The following CHD5 variants were observed in gnomAD, a reference collection of about 807,000 sequenced individuals.
CHD5 encodes ATP-dependent chromatin remodeler CHD5.
A neutral mutation model predicts 230.3 loss-of-function variants in CHD5; 69 were observed. The observed-to-expected ratio is 0.30, with a 90% CI of 0.25 to 0.37. The LOEUF is 0.37. Among genes scored for constraint, CHD5 ranks in the 10% least tolerant of loss-of-function variants. The pLI is 1.00. For synonymous variants in CHD5, 1,064 were observed against 1,065.9 expected, an observed-to-expected ratio of 1.00 and a Z score of 0.03; for missense variants, 1,827 against 2,622.8, an observed-to-expected ratio of 0.70 and a Z score of 6.63.
At position 6,121,096 on chromosome 1, in the gene CHD5, A is replaced by AGCCCCAACCTCTCG. The variant is rs1557540915; in HGVS notation, c.4907_4912+8dup. The AGCCCCAACCTCTCG allele has an allele frequency of 6.3e-7, 1 of 1,578,976 alleles. No individual in the cohort carries two copies. Among genetic ancestry groups the AGCCCCAACCTCTCG allele is most frequent in the Non-Finnish European group, 8.6e-7 (1 of 1,164,434 alleles). On this transcript the variant is annotated intron_variant, in intron 33 of 41. Transcript: ENST00000262450. The surrounding 1 kb of genome is among the most constrained non-coding windows in gnomAD (Gnocchi z 4.5). ...GCACTGGGGTGGGTGGCCTGCAAGA[A>AGCCCCAACCTCTCG]GCCCCAACCTCTCGGCAGCTGCTCC...
rs1383363532 is a variant in CHD5, at chr1:6,102,950, A to C, written c.*2524T>G. 1 of 152,416 alleles carries C rather than the reference A, an allele frequency of 6.6e-6. No homozygotes were observed. Among genetic ancestry groups the C allele is most frequent in the Non-Finnish European group, 1.5e-5 (1 of 68,048 alleles). The allele number at this position is 152,416 out of a possible 1,614,324, so 9.4% of individuals were successfully genotyped here. On this transcript the variant is annotated 3_prime_UTR_variant, in exon 42 of 42. Coordinates refer to ENST00000262450, the MANE Select transcript of CHD5 (RefSeq NM_015557.3). ...ACATGGCTCTGCAGAAGCCCTACTC[A>C]GCACTGGCTTAAAGTGGCTGGAAAT...
chr1:6,153,232 A>G (rs1049565055), intron 5 of CHD5, among the ~76,000 whole-genome samples: 1 of 152,186 alleles, frequency 6.6e-6, no homozygotes, highest in African/African-American at 2.4e-5. Flanking sequence ...CGGAAAATCT[A>G]TTTCAATTTT....
intron 33 of CHD5, among the ~76,000 whole-genome samples, chr1:6,118,532 T>C (rs1357155587): frequency 6.6e-6 from 1 of 152,018 alleles, no homozygotes; most frequent in East Asian, 1.9e-4. Flanking sequence ...GGCCAGTCCA[T>C]AGGACAGAAG....
chr1:6,149,208 T>C (rs1458709889), intron 8 of CHD5, 38 bp downstream of exon 8: 3 of 1,530,528 alleles, frequency 2.0e-6, no homozygotes, highest in South Asian at 1.2e-5. Context: ...GAGCCAGGCG[T>C]GGCCCCGCCC....
chr1:6,132,682 C>T (rs1666676771), intron 20 of CHD5, among the ~76,000 whole-genome samples: 1 of 152,214 alleles, frequency 6.6e-6, no homozygotes, highest in Non-Finnish European at 1.5e-5. Flanking sequence ...TCAATGTTCT[C>T]TTCAACAGTG....
Position 6,155,603 on chromosome 1 carries a change from G to A in CHD5, c.502C>T (p.Leu168Phe). The change falls in exon 4 of 42, where the codon CTC (leucine) becomes TTC (phenylalanine). Residue 168 changes from leucine to phenylalanine, a missense_variant. This residue lies in a region of CHD5 where 657 missense variants were observed against 816.4 expected (regional missense o/e 0.80). Transcript: ENST00000262450. This position sits in a 1 kb window ranked among gnomAD's most constrained non-coding sequence, Gnocchi z 4.0. ...LTNYKAFSQF[L>F]RPLIAKKNPK... Reference sequence around the variant, plus strand: ...CAGCCCTAGTGCCCCGCCCACCTGAGGAACTGGCTGAAGGCCTTGTAGTTG... The same window carrying A: ...CAGCCCTAGTGCCCCGCCCACCTGAAGAACTGGCTGAAGGCCTTGTAGTTG... 6.2e-7 allele frequency: 1 copy of A among 1,613,438 alleles called. No homozygotes were observed.
chr1:6,174,405 G>C (rs1667386443), intron 1 of CHD5, among the ~76,000 whole-genome samples: 1 of 152,170 alleles, frequency 6.6e-6, no homozygotes, highest in Non-Finnish European at 1.5e-5. Flanking sequence ...ATGGATGGTG[G>C]ATAGGTGGAT....
rs757927737 is a variant in CHD5, at chr1:6,131,688, G to T, written c.3205C>A (p.Arg1069=). ...FLEYEGYKYE[R]IDGGITGGLR... ...CCCCCGGTGATGCCACCATCAATCC[G>T]CTCATACTTGTAGCCTTCGTACTCC... Residue 1069 remains arginine (R), a synonymous_variant, in exon 21 of 42, where the codon CGG becomes AGG. Coordinates refer to ENST00000262450, the MANE Select transcript of CHD5 (RefSeq NM_015557.3). This position sits in a 1 kb window ranked among gnomAD's most constrained non-coding sequence, Gnocchi z 5.0. 1.9e-6 allele frequency: 3 copies of T among 1,613,426 alleles called. No individual in the cohort carries two copies. Among genetic ancestry groups the T allele is most frequent in the Middle Eastern group, 1.6e-4 (1 of 6,080 alleles).
At position 6,180,280 on chromosome 1, in the gene CHD5, C is replaced by A. The variant is rs910649905; in HGVS notation, c.-257G>T. Among the ~76,000 whole-genome samples, 1 of 151,024 alleles carries A rather than the reference C, an allele frequency of 6.6e-6. No individual in the cohort carries two copies. Among genetic ancestry groups the A allele is most frequent in the East Asian group, 2.0e-4 (1 of 5,108 alleles). ...CGCCCCGCAGCCCGAGTCCCGCAGC[C>A]GGCCGAGGGTGGCGGCGGCAGCGCC... On this transcript the variant is annotated 5_prime_UTR_variant, in exon 1 of 42. Coordinates refer to ENST00000262450, the MANE Select transcript of CHD5 (RefSeq NM_015557.3).
chr1:6,157,605 C>T, intron 3 of CHD5, among the ~76,000 whole-genome samples: 1 of 152,198 alleles, frequency 6.6e-6, no homozygotes, highest in Non-Finnish European at 1.5e-5. Context: ...TCTGCCCATC[C>T]AGGCTGCGGG....
intron 38 of CHD5, among the ~76,000 whole-genome samples, chr1:6,107,434 G>A (rs1272321716): frequency 3.1e-5 from 4 of 129,430 alleles, no homozygotes; most frequent in African/African-American, 9.1e-5. Flanking sequence ...GATGATGGAG[G>A]AATGAAGGGA....
intron 2 of CHD5, among the ~76,000 whole-genome samples, chr1:6,160,580 A>G (rs1667160558): frequency 6.6e-6 from 1 of 152,280 alleles, no homozygotes; most frequent in South Asian, 2.1e-4. Flanking sequence ...TTCACATCCC[A>G]TGGAACTGCG....
Position 6,163,192 on chromosome 1 carries a change from G to A in CHD5, c.208-3677C>T, listed in dbSNP as rs1342959045. On this transcript the variant is annotated intron_variant, in intron 2 of 41. Transcript: ENST00000262450. Reference sequence around the variant, plus strand: ...CAGGCATGTCTGTTGCCCATCTGTGGCCCCTTCCCTGCTGTCACCCACTGG... The same window carrying A: ...CAGGCATGTCTGTTGCCCATCTGTGACCCCTTCCCTGCTGTCACCCACTGG... 2.0e-5 allele frequency among the ~76,000 whole-genome samples: 3 copies of A among 152,164 alleles called. No homozygotes were observed. In the East Asian group the frequency reaches 5.8e-4, roughly 29 times the overall value.
At chr1:6,114,329 G>C (rs921009166) in intron 33 of CHD5, among the ~76,000 whole-genome samples, 1 of 151,700 alleles carries the variant, frequency 6.6e-6, no homozygotes, top group East Asian at 1.9e-4. Flanking sequence ...CCCACCAGCC[G>C]ACGCACAGGA....
intron 8 of CHD5, 66 bp from the exon 9 acceptor site, chr1:6,149,141 C>G: frequency 6.8e-7 from 1 of 1,464,808 alleles, no homozygotes; most frequent in South Asian, 1.4e-5. Context: ...CCGACTCCCT[C>G]CCTCCCCTAC....
intron 2 of CHD5, among the ~76,000 whole-genome samples, chr1:6,161,578 C>T (rs1029504480): frequency 1.3e-5 from 2 of 152,240 alleles, no homozygotes; most frequent in African/African-American, 4.8e-5. Context: ...CTGACACAGC[C>T]ACTGGCTGGG....
Position 6,135,309 on chromosome 1 carries a change from G to T in CHD5, c.2791C>A (p.Arg931=). ...TTCTTGAACACGTCAGCCTTGAGCC[G>T]CCTGAGCATGTGCGGCCCCAGCAGG... The part of the protein sequence containing the change: ...HDLLGPHMLR[R]LKADVFKNMP... The change falls in exon 18 of 42, where the codon CGG becomes AGG. Residue 931 remains arginine (R), a synonymous_variant. Transcript: ENST00000262450. 1.2e-6 allele frequency: 2 copies of T among 1,614,136 alleles called. No individual in the cohort carries two copies. Among genetic ancestry groups the T allele is most frequent in the East Asian group, 2.2e-5 (1 of 44,870 alleles).
chr1:6,163,801 G>C (rs1667212595), intron 2 of CHD5, among the ~76,000 whole-genome samples: 1 of 152,202 alleles, frequency 6.6e-6, no homozygotes, highest in Admixed American at 6.5e-5. Flanking sequence ...TAAGGTTTGA[G>C]GGCCATCAAA....
In CHD5 at chr1:6,124,394, C is replaced by A. The variant is rs1666519683; in HGVS notation, c.4539+123G>T. 4.3e-6 allele frequency: 5 copies of A among 1,168,982 alleles called. No homozygotes were observed. In the Admixed American group the frequency reaches 5.6e-5, roughly 13 times the overall value. The allele number at this position is 1,168,982 out of a possible 1,614,324, so 72.4% of individuals were successfully genotyped here. A position where few individuals can be genotyped will look rare whatever the true frequency, so the allele number is the denominator to read the frequency against. ...CCAGGTCAGTCCCTCTGGAGTGACT[C>A]GGACCCTGGGCAGCTGTGTGGCCTG... is the stretch of plus-strand genomic sequence containing the variant. On this transcript the variant is annotated intron_variant, in intron 30 of 41. Coordinates refer to ENST00000262450, the MANE Select transcript of CHD5 (RefSeq NM_015557.3).
Sources: gnomAD v4.1 joint callset for allele counts (sites outside exome capture counted in the v4.1 genomes callset) on GRCh38, gnomAD v4.1.1 for gene constraint, gnomAD v4.1.1 regional missense constraint, Gnocchi (gnomAD v3.1) non-coding constraint, MANE v1.5 for transcripts, NCBI Gene and HGNC (gene_info 2026-07-23, HGNC 2026-07-21) for gene names.